SCAI: variants seen among roughly 807,000 people sequenced by gnomAD.
SCAI encodes protein SCAI.
SCAI carries 24 observed loss-of-function variants against 92.2 expected under a neutral mutation model. The ratio of observed to expected loss-of-function variants is 0.26; its 90% CI spans 0.19 to 0.37. The LOEUF is 0.37. Ranked by LOEUF, SCAI falls within the 10% of genes least tolerant of loss-of-function variation. The pLI, the probability that SCAI is intolerant of heterozygous loss-of-function variation, is 1.00. For missense variants in SCAI, 450 were observed against 736.2 expected (o/e 0.61, Z 4.50); for synonymous variants, 261 against 258.6 (o/e 1.01, Z -0.09).
At chr9:125,129,719 C>T (rs143723978) in intron 2 of SCAI, among the ~76,000 whole-genome samples, 2 of 151,592 alleles carry the variant, frequency 1.3e-5, no homozygotes, top group African/African-American at 4.8e-5. Context: ...CAGCCTCAGC[C>T]TCCCAAAGTG....
chr9:124,995,710 C>T (rs140976553), intron 13 of SCAI, among the ~76,000 whole-genome samples: 2 of 152,110 alleles, frequency 1.3e-5, no homozygotes, highest in Non-Finnish European at 2.9e-5. Flanking sequence ...AGGCTGGTCT[C>T]GAACTCCTGA....
At chr9:124,970,587 GT>G (rs1225998678) in intron 17 of SCAI, among the ~76,000 whole-genome samples, 1 of 151,918 alleles carries the variant, frequency 6.6e-6, no homozygotes, top group Admixed American at 6.6e-5. Context: ...AGGTGTGGTG[GT>G]GGGCGCCTAT....
intron 2 of SCAI, among the ~76,000 whole-genome samples, chr9:125,073,087 T>G (rs949322365): frequency 7.0e-6 from 1 of 142,700 alleles, no homozygotes; most frequent in Non-Finnish European, 1.5e-5. Context: ...AGGATTCTAT[T>G]TTTAATTTTT....
Position 124,971,653 on chromosome 9 carries a change from G to A in SCAI, c.1573+18C>T. ...TATAGTACATTCTGTTAAACGTGCAGTTAGATTAGGAGGGTACCTATTGAA... is the reference window on the plus strand; with the variant it reads ...TATAGTACATTCTGTTAAACGTGCAATTAGATTAGGAGGGTACCTATTGAA... On this transcript the variant is annotated intron_variant, in intron 16 of 17. Coordinates refer to ENST00000336505, the MANE Select transcript of SCAI (RefSeq NM_001144877.3). 1 of 1,566,732 alleles carries A rather than the reference G, an allele frequency of 6.4e-7. No homozygotes were observed.
At chr9:124,972,863 TCCAG>T (rs1293518204) in intron 15 of SCAI, among the ~76,000 whole-genome samples, 2 of 152,214 alleles carry the variant, frequency 1.3e-5, no homozygotes, top group African/African-American at 4.8e-5. Context: ...TTGTGCTATC[TCCAG>T]CCATCTCCCT....
intron 3 of SCAI, among the ~76,000 whole-genome samples, chr9:125,036,795 TGTTTTGAAAAAGAA>T (rs956914500): frequency 5.9e-5 from 9 of 152,216 alleles, no homozygotes; most frequent in African/African-American, 2.2e-4. Flanking sequence ...ATAAATATGC[TGTTTTGAAAAAGAA>T]GTTTTAAATA....
chr9:125,111,651 G>A (rs565423773), intron 2 of SCAI, among the ~76,000 whole-genome samples: 12 of 152,174 alleles, frequency 7.9e-5, no homozygotes, highest in African/African-American at 2.2e-4. Flanking sequence ...GTGTGGCCCA[G>A]GGAAGCCAAA....
At chr9:124,996,701 C>T (rs1832246036) in intron 13 of SCAI, among the ~76,000 whole-genome samples, 1 of 151,826 alleles carries the variant, frequency 6.6e-6, no homozygotes, top group Non-Finnish European at 1.5e-5. Context: ...ATGATCTCGG[C>T]TCACTGCAAC....
At chr9:124,998,742 C>T (rs975734426) in intron 13 of SCAI, among the ~76,000 whole-genome samples, 1 of 152,130 alleles carries the variant, frequency 6.6e-6, no homozygotes, top group African/African-American at 2.4e-5. Context: ...CTGCCTCAGC[C>T]TCCTGAGTAG....
chr9:125,119,672 A>T (rs1034514703), intron 2 of SCAI, among the ~76,000 whole-genome samples: 1 of 152,224 alleles, frequency 6.6e-6, no homozygotes, highest in Non-Finnish European at 1.5e-5. Flanking sequence ...GTGGCTTAAA[A>T]CAATCTTTTA....
chr9:125,054,980 A>T (rs1284211651), intron 3 of SCAI, among the ~76,000 whole-genome samples: 1 of 152,184 alleles, frequency 6.6e-6, no homozygotes, highest in Non-Finnish European at 1.5e-5. Flanking sequence ...GGAAAAAGAG[A>T]ATGATTAAAA....
At chr9:125,102,744 C>G (rs539599295) in intron 2 of SCAI, among the ~76,000 whole-genome samples, 1 of 152,190 alleles carries the variant, frequency 6.6e-6, no homozygotes, top group African/African-American at 2.4e-5. Flanking sequence ...ATTACAGGAC[C>G]CCGCAACCAT....
chr9:125,002,584 G>A (rs913366775), intron 11 of SCAI, among the ~76,000 whole-genome samples: 2 of 147,874 alleles, frequency 1.4e-5, no homozygotes, highest in Admixed American at 7.0e-5. Flanking sequence ...CCGGGTTCAA[G>A]TAATTCTCCT....
intron 3 of SCAI, among the ~76,000 whole-genome samples, chr9:125,036,349 G>A (rs1204009690): frequency 6.6e-6 from 1 of 152,106 alleles, no homozygotes; most frequent in East Asian, 1.9e-4. Context: ...GAAAAGAGTA[G>A]CTTTTGGGTA....
chr9:124,986,086 T>C (rs1831984887), intron 14 of SCAI, among the ~76,000 whole-genome samples: 1 of 152,082 alleles, frequency 6.6e-6, no homozygotes, highest in African/African-American at 2.4e-5. Context: ...CGTCAGGAGA[T>C]AGAGACCATC....
At position 124,958,632 on chromosome 9, in the gene SCAI, C is replaced by T. The variant is rs138263746; in HGVS notation, c.1675-5679G>A. ...TAGAAGAAAATAGGAGAAGGCCAGG[C>T]GTGGTGGCTCACGCCTGTAATCCCA... On this transcript the variant is annotated intron_variant, in intron 17 of 17. Transcript: ENST00000336505. 2.9e-3 allele frequency among the ~76,000 whole-genome samples: 438 copies of T among 152,146 alleles called. 5 individuals are homozygous for T. The highest frequency in any genetic ancestry group is 0.01 in the African/African-American group (423 of 41,524).
Position 125,042,432 on chromosome 9 carries a change from C to T in SCAI, c.231-12693G>A, listed in dbSNP as rs894869549. 1.2e-4 allele frequency among the ~76,000 whole-genome samples: 18 copies of T among 152,130 alleles called. No homozygotes were observed. The East Asian group carries it at 1.9e-3, about 16-fold the overall frequency. ...AATTAGCTAAGATCATTGATCCCTA[C>T]GTACACCTAAAATCCAAGTCCAAGG... On this transcript the variant is annotated intron_variant, in intron 3 of 17. Transcript: ENST00000336505.
At chr9:125,141,083 C>T (rs1164710727) in intron 2 of SCAI, among the ~76,000 whole-genome samples, 2 of 152,054 alleles carry the variant, frequency 1.3e-5, no homozygotes, top group Non-Finnish European at 2.9e-5. Flanking sequence ...GACTCACATA[C>T]CCAAGTTGTT....
intron 2 of SCAI, among the ~76,000 whole-genome samples, chr9:125,090,432 G>T (rs1034217929): frequency 6.6e-6 from 1 of 151,788 alleles, no homozygotes; most frequent in Non-Finnish European, 1.5e-5. Flanking sequence ...GGAAGAAAGA[G>T]TAAGGAGCGA....
Sources: allele counts gnomAD v4.1 joint callset (sites outside exome capture counted in the v4.1 genomes callset), GRCh38; gene constraint gnomAD v4.1.1; transcripts MANE v1.5; gene names NCBI Gene and HGNC (gene_info 2026-07-23, HGNC 2026-07-21).